The following KIT variants were observed in gnomAD, a reference collection of about 807,000 sequenced individuals.
KIT encodes the protein KIT proto-oncogene, receptor tyrosine kinase, also known as mast/stem cell growth factor receptor Kit.
In KIT, 16 loss-of-function variants were observed where a neutral mutation model predicts 105.7. The ratio of observed to expected loss-of-function variants is 0.15; its 90% CI spans 0.10 to 0.23. The LOEUF (loss-of-function observed/expected upper bound fraction) is 0.23. Ranked by LOEUF, KIT falls within the 10% of genes least tolerant of loss-of-function variation. The probability of loss-of-function intolerance (pLI) is 1.00; values close to 1 mark genes in which losing one functional copy is unlikely to be tolerated. For synonymous variants in KIT, 438 were observed against 441.1 expected (o/e 0.99, Z 0.09); for missense variants, 858 against 1,213.8 (o/e 0.71, Z 4.36).
chr4:54,660,700 C>T (rs1318752580), intron 1 of KIT, among the ~76,000 whole-genome samples: 3 of 152,030 alleles, frequency 2.0e-5, no homozygotes, highest in South Asian at 2.1e-4. Flanking sequence ...TATTATTACC[C>T]CTAACATTTT....
In KIT at chr4:54,699,613, ATTTCT is replaced by A; in HGVS notation, c.620-12_620-8del. The A allele has an allele frequency of 6.2e-7, 1 of 1,613,784 alleles. No homozygotes were observed. Among genetic ancestry groups the A allele is most frequent in the Non-Finnish European group, 8.5e-7 (1 of 1,179,784 alleles). On this transcript the variant is annotated splice_polypyrimidine_tract_variant and intron_variant, in intron 3 of 20. Coordinates refer to ENST00000288135, the MANE Select transcript of KIT (RefSeq NM_000222.3). ...TAATACAAATTATTTGAGGGGCCAC[ATTTCT>A]TTTCATTCTAGCCTTCAAAGCTGTG... is the stretch of plus-strand genomic sequence containing the variant.
chr4:54,685,541 T>C (rs1719251452), intron 1 of KIT, among the ~76,000 whole-genome samples: 1 of 152,168 alleles, frequency 6.6e-6, no homozygotes, highest in Non-Finnish European at 1.5e-5. Context: ...ACTGGTTGTC[T>C]CCTGGCTGAC....
At chr4:54,725,108 G>A (rs1468060121) in intron 8 of KIT, among the ~76,000 whole-genome samples, 2 of 150,684 alleles carry the variant, frequency 1.3e-5, no homozygotes, top group Non-Finnish European at 3.0e-5. Context: ...TGATTTTGTT[G>A]TTGTTGTTGT....
At position 54,740,366 on chromosome 4, in the gene KIT, T is replaced by A. The variant is rs1385968218; in HGVS notation, c.*1809T>A. ...AAGAAAAGTGGTTGTTAGTTATAGA[T>A]GTCTAGGTACTTCAGGGGCACTTCA... On this transcript the variant is annotated 3_prime_UTR_variant, in exon 21 of 21. Coordinates refer to ENST00000288135, the MANE Select transcript of KIT (RefSeq NM_000222.3). The A allele has an allele frequency of 4.3e-6, 1 of 233,482 alleles. No individual in the cohort carries two copies. The highest frequency in any genetic ancestry group is 8.5e-6 in the Non-Finnish European group (1 of 117,986). 14.5% of individuals were successfully genotyped at this position (233,482 alleles called of 1,614,324 possible). A position where few individuals can be genotyped will look rare whatever the true frequency, so the allele number is the denominator to read the frequency against.
chr4:54,718,079 G>T (rs1721615714), intron 7 of KIT, among the ~76,000 whole-genome samples: 1 of 152,126 alleles, frequency 6.6e-6, no homozygotes, highest in Admixed American at 6.6e-5. Flanking sequence ...GCCAGAATTG[G>T]CCTGTAGCCT....
chr4:54,717,676 G>C (rs1429730539), intron 7 of KIT, among the ~76,000 whole-genome samples: 1 of 152,130 alleles, frequency 6.6e-6, no homozygotes, highest in Non-Finnish European at 1.5e-5. Flanking sequence ...TTCATTTACA[G>C]ATATATGCAA....
chr4:54,718,525 A>G (rs1721646629), intron 7 of KIT, among the ~76,000 whole-genome samples: 1 of 152,230 alleles, frequency 6.6e-6, no homozygotes, highest in Non-Finnish European at 1.5e-5. Context: ...GAAAACAGCC[A>G]TGCCTATTTG....
At position 54,703,858 on chromosome 4, in the gene KIT, A is replaced by G. The variant is rs776220729; in HGVS notation, c.891A>G (p.Gly297=). ...TGTGTTATGCCAATAATACTTTTGG[A>G]TCAGCAAATGTCACAACAACCTTGG... is the stretch of plus-strand genomic sequence containing the variant. ...VFMCYANNTF[G]SANVTTTLEV... The change falls in exon 5 of 21, where the codon GGA becomes GGG. Residue 297 remains glycine (G), a synonymous_variant. Transcript: ENST00000288135. The G allele has an allele frequency of 1.6e-5, 26 of 1,613,930 alleles. No individual in the cohort carries two copies. The South Asian group carries it at 2.9e-4, about 18-fold the overall frequency.
At chr4:54,666,633 C>A (rs1242476481) in intron 1 of KIT, among the ~76,000 whole-genome samples, 1 of 151,972 alleles carries the variant, frequency 6.6e-6, no homozygotes, top group Non-Finnish European at 1.5e-5. Flanking sequence ...AGACTTTATT[C>A]AGTTATAGGG....
At chr4:54,725,064 G>A (rs1030754087) in intron 8 of KIT, among the ~76,000 whole-genome samples, 1 of 152,072 alleles carries the variant, frequency 6.6e-6, no homozygotes, top group African/African-American at 2.4e-5. Flanking sequence ...TCAAACTTCA[G>A]TCCTCACTTT....
Position 54,738,414 on chromosome 4 carries a change from G to T in KIT, c.2803-15G>T, listed in dbSNP as rs1723048949. The T allele has an allele frequency of 3.1e-6, 5 of 1,613,996 alleles. No homozygotes were observed. The East Asian group carries it at 1.1e-4, about 36-fold the overall frequency. On this transcript the variant is annotated splice_polypyrimidine_tract_variant and intron_variant, in intron 20 of 20. Transcript: ENST00000288135. Reference sequence around the variant, plus strand: ...GTAGGGACTGCTGTATTGACTATGGGCTTGTTTTCTCCAGATTTACTCCAA... The same window carrying T: ...GTAGGGACTGCTGTATTGACTATGGTCTTGTTTTCTCCAGATTTACTCCAA...
At chr4:54,658,174 G>C (rs1716957226) in intron 1 of KIT, 93 bp downstream of exon 1, 3 of 1,291,826 alleles carry the variant, frequency 2.3e-6, no homozygotes, top group East Asian at 2.3e-5. Flanking sequence ...TCCGGAGAGA[G>C]GACTGCGGGC....
intron 1 of KIT, among the ~76,000 whole-genome samples, chr4:54,674,788 A>G (rs868579653): frequency 6.6e-6 from 1 of 152,228 alleles, no homozygotes; most frequent in Admixed American, 6.5e-5. Context: ...AGTGGCTGAA[A>G]TCATCCGAGT....
At chr4:54,674,853 C>T (rs534348574) in intron 1 of KIT, among the ~76,000 whole-genome samples, 2 of 152,294 alleles carry the variant, frequency 1.3e-5, no homozygotes, top group East Asian at 3.9e-4. Context: ...TAAGAACTGA[C>T]ATGCTTTTGT....
At chr4:54,680,158 TATGTC>T (rs1198383548) in intron 1 of KIT, among the ~76,000 whole-genome samples, 1 of 152,172 alleles carries the variant, frequency 6.6e-6, no homozygotes, top group Admixed American at 6.5e-5. Flanking sequence ...TGGTAAATCT[TATGTC>T]ATGTATATTT....
intron 1 of KIT, among the ~76,000 whole-genome samples, chr4:54,659,774 G>A (rs1270858978): frequency 6.6e-6 from 1 of 152,184 alleles, no homozygotes; most frequent in Non-Finnish European, 1.5e-5. Flanking sequence ...CCTAGTAGGA[G>A]ACTAGAAAGA....
rs1458333182 is a variant in KIT, at chr4:54,736,491, A to G, written c.2485-7A>G. On this transcript the variant is annotated splice_polypyrimidine_tract_variant and splice_region_variant and intron_variant, in intron 17 of 20. Transcript: ENST00000288135. ...ACATTATTGACTCTGTTGTGCTTCT[A>G]TTACAGGCTCGACTACCTGTGAAGT... is the stretch of plus-strand genomic sequence containing the variant. The G allele has an allele frequency of 1.6e-5, 25 of 1,593,910 alleles. No individual in the cohort carries two copies. Among genetic ancestry groups the G allele is most frequent in the East Asian group, 2.2e-5 (1 of 44,832 alleles).
chr4:54,729,300 C>G (rs775527752), intron 13 of KIT, 35 bp from the exon 14 acceptor site: 1 of 1,609,680 alleles, frequency 6.2e-7, no homozygotes, highest in Non-Finnish European at 8.5e-7. Flanking sequence ...CTATATATCT[C>G]ACCTTCTTTC....
intron 1 of KIT, among the ~76,000 whole-genome samples, chr4:54,671,974 C>T (rs568594763): frequency 9.9e-5 from 15 of 152,224 alleles, no homozygotes; most frequent in South Asian, 2.1e-4. Context: ...CTTTTCTGAA[C>T]ATAATGATGA....
Sources: allele counts gnomAD v4.1 joint callset (sites outside exome capture counted in the v4.1 genomes callset), GRCh38; gene constraint gnomAD v4.1.1; transcripts MANE v1.5; gene names NCBI Gene and HGNC (gene_info 2026-07-23, HGNC 2026-07-21).